The following WDR31 variants were observed in gnomAD, a reference collection of about 807,000 sequenced individuals.
WDR31 encodes the protein WD repeat-containing protein 31.
In WDR31, 30 loss-of-function variants were observed where a neutral mutation model predicts 47.3. The ratio of observed to expected loss-of-function variants is 0.63; its 90% CI spans 0.47 to 0.86. The LOEUF (loss-of-function observed/expected upper bound fraction) is 0.86. WDR31 is among the 40% of genes least tolerant of loss of function. WDR31 has a pLI of 0.00. For missense variants in WDR31, 406 were observed against 442.9 expected (o/e 0.92, Z 0.75); for synonymous variants, 137 against 159.4 (o/e 0.86, Z 1.06).
rs536508042 is a variant in WDR31 at position 113,324,389 on chromosome 9, C to CTTTTTTTTTT, written c.325-1244_325-1235dup. ...TGTAACATGTATCAGAATTTCATTC[C>CTTTTTTTTTT]TTTTTTTTTTTTTTTTTTGAGACAG... On this transcript the variant is annotated intron_variant, in intron 5 of 10. Transcript: ENST00000374193. Among the ~76,000 whole-genome samples the CTTTTTTTTTT allele has an allele frequency of 6.9e-4, 89 of 129,094 alleles. 1 individual carries two copies. The highest frequency in any genetic ancestry group is 2.5e-3 in the African/African-American group (85 of 33,432). 84.7% of individuals were successfully genotyped at this position (129,094 alleles called of 152,430 possible).
At chr9:113,323,236 T>C in intron 5 of WDR31, 81 bp from the exon 6 acceptor site, 17 of 1,407,736 alleles carry the variant, frequency 1.2e-5, no homozygotes, top group Non-Finnish European at 1.6e-5. Flanking sequence ...GAAAGATGAG[T>C]CTGCATAACT....
In WDR31 at chr9:113,314,161, A is replaced by T. The variant is rs1833137993; in HGVS notation, c.*2588T>A. ...GGCGACAGAGCAAGATTCCATCTCA[A>T]AAAAAAAAAAAAAAAAAAGGATCAA... On this transcript the variant is annotated 3_prime_UTR_variant, in exon 11 of 11. Transcript: ENST00000374193. 1 of 142,432 alleles carries T rather than the reference A, an allele frequency of 7.0e-6. No homozygotes were observed. Among genetic ancestry groups the T allele is most frequent in the Non-Finnish European group, 1.5e-5 (1 of 66,304 alleles). 8.8% of individuals were successfully genotyped at this position (142,432 alleles called of 1,614,324 possible).
chr9:113,322,976 A>G (rs926851529), intron 6 of WDR31, 35 bp downstream of exon 6: 2 of 1,613,906 alleles, frequency 1.2e-6, no homozygotes, highest in Non-Finnish European at 1.7e-6. Flanking sequence ...TTCAGAAAGC[A>G]CAAAGGCATT....
At chr9:113,324,219 G>A (rs1167977921) in intron 5 of WDR31, among the ~76,000 whole-genome samples, 1 of 151,714 alleles carries the variant, frequency 6.6e-6, no homozygotes, top group Admixed American at 6.6e-5. Context: ...TCCTCTCCCC[G>A]CAGCCGCTGG....
intron 5 of WDR31, among the ~76,000 whole-genome samples, chr9:113,328,127 A>C (rs1202512441): frequency 6.6e-6 from 1 of 152,188 alleles, no homozygotes; most frequent in Non-Finnish European, 1.5e-5. Flanking sequence ...TAAACAATCT[A>C]TATCTTTAGT....
chr9:113,337,464 ATT>A (rs151093541), intron 1 of WDR31, among the ~76,000 whole-genome samples: 356 of 135,426 alleles, frequency 2.6e-3, no homozygotes, highest in Non-Finnish European at 2.5e-3. Context: ...AGCATTTTGG[ATT>A]TTTTTTTTTT....
At chr9:113,329,918 T>G (rs1445294236) in intron 4 of WDR31, among the ~76,000 whole-genome samples, 1 of 151,444 alleles carries the variant, frequency 6.6e-6, no homozygotes, top group East Asian at 2.0e-4. Context: ...GAGGCGGAGG[T>G]TGTGGTGAGC....
chr9:113,320,474 C>G lies in WDR31; in HGVS notation c.663G>C (p.Gln221His). Residue 221 changes from glutamine to histidine, a missense_variant, in exon 9 of 11, where the codon CAG becomes CAC. By Grantham distance (24) the Gln-to-His change is conservative (BLOSUM62 0). Coordinates refer to ENST00000374193, the MANE Select transcript of WDR31 (RefSeq NM_001012361.4). ...TLRLWDSRGL[Q>H]VAHMFPAKQH... ...GCTTTGCAGGAAACATATGAGCTAC[C>G]TGCAGCCCCCGACTGTCCCATAATC... is the stretch of plus-strand genomic sequence containing the variant. 2 of 1,614,168 alleles carry G rather than the reference C, an allele frequency of 1.2e-6. No homozygotes were observed. Among genetic ancestry groups the G allele is most frequent in the African/African-American group, 1.3e-5 (1 of 75,070 alleles).
chr9:113,339,324 G>A (rs1833780471), intron 1 of WDR31, among the ~76,000 whole-genome samples: 1 of 152,164 alleles, frequency 6.6e-6, no homozygotes, highest in Non-Finnish European at 1.5e-5. Flanking sequence ...AAGGTCACAG[G>A]GGCAGAGCCG....
rs752589382 is a variant in WDR31, at chr9:113,320,394, C to T, written c.743G>A (p.Cys248Tyr). 1.2e-6 allele frequency: 2 copies of T among 1,614,246 alleles called. No homozygotes were observed. The highest frequency in any genetic ancestry group is 3.3e-5 in the Admixed American group (2 of 60,026). ...GCCTTCTCCTCCAAAGCCATTGCTG[C>T]AGGAGATACACTTGTGTCCATCCAC... ...VSVDGHKCIS[C>Y]SNGFGGEGCE... is the part of the protein sequence containing the mutation. The change falls in exon 9 of 11, where the codon TGC (cysteine) becomes TAC (tyrosine). Residue 248 changes from cysteine (C) to tyrosine (Y), a missense_variant. Coordinates refer to ENST00000374193, the MANE Select transcript of WDR31 (RefSeq NM_001012361.4).
At chr9:113,328,288 C>G (rs1833520865) in intron 5 of WDR31, among the ~76,000 whole-genome samples, 1 of 152,138 alleles carries the variant, frequency 6.6e-6, no homozygotes, top group Non-Finnish European at 1.5e-5. Context: ...ATCTGGCAAG[C>G]AAATATCATA....
rs752965735 is a variant in WDR31 at position 113,321,560 on chromosome 9, C to T, written c.589G>A (p.Val197Ile). ...TGTAGTATGTATGGTTCTCTGGGGA[C>T]CCAGCACAGGTGAGTGACCTAGAAA... ...SRNVVTHLCW[V>I]PREPYILQTS... is the part of the protein sequence containing the mutation. Residue 197 changes from valine (V) to isoleucine (I), a missense_variant, in exon 8 of 11, where the codon GTC (valine) becomes ATC (isoleucine). Coordinates refer to ENST00000374193, the MANE Select transcript of WDR31 (RefSeq NM_001012361.4). 1 of 1,614,148 alleles carries T rather than the reference C, an allele frequency of 6.2e-7. No individual in the cohort carries two copies. Among genetic ancestry groups the T allele is most frequent in the African/African-American group, 1.3e-5 (1 of 75,050 alleles).
rs764677737 is a variant in WDR31 at position 113,316,499 on chromosome 9, CT to C, written c.*249del. ...TTTGAAGAGTAGTCCTAAAAGCTCA[CT>C]AAAAAGTTGCATTTGTATTTAACTT... On this transcript the variant is annotated 3_prime_UTR_variant, in exon 11 of 11. Coordinates refer to ENST00000374193, the MANE Select transcript of WDR31 (RefSeq NM_001012361.4). The C allele has an allele frequency of 7.4e-6, 3 of 408,020 alleles. No homozygotes were observed. Among genetic ancestry groups the C allele is most frequent in the Non-Finnish European group, 1.3e-5 (3 of 228,186 alleles). 25.3% of individuals were successfully genotyped at this position (408,020 alleles called of 1,614,324 possible).
At chr9:113,317,108 G>A (rs896418287) in intron 10 of WDR31, among the ~76,000 whole-genome samples, 199 bp from the exon 11 acceptor site, 1 of 152,190 alleles carries the variant, frequency 6.6e-6, no homozygotes, top group Admixed American at 6.5e-5. Context: ...GGTAGAGAAT[G>A]GCACACGGGC....
chr9:113,319,016 G>C (rs1833271365), intron 9 of WDR31, among the ~76,000 whole-genome samples: 1 of 152,214 alleles, frequency 6.6e-6, no homozygotes, highest in Admixed American at 6.5e-5. Context: ...CAACTCAAGA[G>C]CTGCCTTATT....
At chr9:113,335,732 A>ATC (rs558444887) in intron 2 of WDR31, among the ~76,000 whole-genome samples, 48 of 152,314 alleles carry the variant, frequency 3.2e-4, no homozygotes, top group South Asian at 1.5e-3. Context: ...GAGGCCTAGG[A>ATC]TCTACCCCAG....
Position 113,318,616 on chromosome 9 carries a change from G to T in WDR31, c.802C>A (p.Arg268=), listed in dbSNP as rs764141336. Residue 268 remains arginine, a synonymous_variant, in exon 10 of 11, where the codon CGA becomes AGA. Coordinates refer to ENST00000374193, the MANE Select transcript of WDR31 (RefSeq NM_001012361.4). ...EATLWDLRQT[R]NRICEYKGHF... is the part of the protein sequence containing the mutation. ...CCCTTATACTCACATATTCTGTTTC[G>T]AGTCTGTCTTAGGTCCCACAACTGC... The T allele has an allele frequency of 6.2e-7, 1 of 1,614,042 alleles. No homozygotes were observed. Among genetic ancestry groups the T allele is most frequent in the Admixed American group, 1.7e-5 (1 of 60,008 alleles).
chr9:113,339,022 C>T (rs1455893663), intron 1 of WDR31, among the ~76,000 whole-genome samples: 1 of 152,156 alleles, frequency 6.6e-6, no homozygotes, highest in Non-Finnish European at 1.5e-5. Context: ...AGGCTCCAGA[C>T]CCAGAAAGGC....
intron 5 of WDR31, among the ~76,000 whole-genome samples, chr9:113,325,224 G>C (rs1487510949): frequency 6.6e-6 from 1 of 152,072 alleles, no homozygotes; most frequent in African/African-American, 2.4e-5. Flanking sequence ...TAAACTGCTG[G>C]GATTACAGGC....
Sources: allele counts gnomAD v4.1 joint callset (sites outside exome capture counted in the v4.1 genomes callset), GRCh38; gene constraint gnomAD v4.1.1; transcripts MANE v1.5; gene names NCBI Gene and HGNC (gene_info 2026-07-23, HGNC 2026-07-21).